The following SH3GL2 variants were observed in gnomAD, a reference collection of about 807,000 sequenced individuals.
The protein encoded by SH3GL2 is SH3 domain containing GRB2 like 2, endophilin A1.
A neutral mutation model predicts 46.0 loss-of-function variants in SH3GL2; 24 were observed. The ratio of observed to expected loss-of-function variants is 0.52; its 90% CI spans 0.38 to 0.73. The LOEUF is 0.73. SH3GL2 is among the 30% of genes least tolerant of loss of function. The pLI is 0.00. For synonymous variants in SH3GL2, 196 were observed against 147.1 expected (o/e 1.33, Z -2.40); for missense variants, 413 against 424.2 (o/e 0.97, Z 0.23).
At chr9:17,703,039 A>G (rs1186939248) in intron 1 of SH3GL2, among the ~76,000 whole-genome samples, 3 of 152,072 alleles carry the variant, frequency 2.0e-5, no homozygotes, top group Non-Finnish European at 4.4e-5. Context: ...ATGGCCCAGC[A>G]GTCTCTAATA....
rs112647120 is a variant in SH3GL2 at position 17,697,042 on chromosome 9, G to T, written c.46-50024G>T. On this transcript the variant is annotated intron_variant, in intron 1 of 8. Transcript: ENST00000380607. ...GTGTTGGAACCTTGATACTGTCCTG[G>T]GCTGACATTTCCTCTTTAAGAATCA... is the stretch of plus-strand genomic sequence containing the variant. 1.7e-3 allele frequency among the ~76,000 whole-genome samples: 237 copies of T among 142,756 alleles called. 3 individuals carry two copies. The highest frequency in any genetic ancestry group is 5.0e-3 in the African/African-American group (201 of 40,582). 93.7% of individuals were successfully genotyped at this position (142,756 alleles called of 152,430 possible). A position where few individuals can be genotyped will look rare whatever the true frequency, so the allele number is the denominator to read the frequency against.
intron 1 of SH3GL2, among the ~76,000 whole-genome samples, chr9:17,706,921 C>T (rs576214330): frequency 6.6e-6 from 1 of 152,134 alleles, no homozygotes; most frequent in South Asian, 2.1e-4. Context: ...AAAGGCAATT[C>T]AAGCAGTGTG....
At chr9:17,773,334 T>A (rs1409679680) in intron 3 of SH3GL2, among the ~76,000 whole-genome samples, 1 of 152,096 alleles carries the variant, frequency 6.6e-6, no homozygotes, top group Non-Finnish European at 1.5e-5. Flanking sequence ...ATTGTGTAAT[T>A]TTTTTTGTTG....
In SH3GL2 at chr9:17,730,536, C is replaced by T. The variant is rs140678673; in HGVS notation, c.46-16530C>T. Among the ~76,000 whole-genome samples the T allele has an allele frequency of 4.5e-3, 681 of 152,094 alleles. 4 individuals are homozygous for T. The highest frequency in any genetic ancestry group is 0.015 in the African/African-American group (633 of 41,492). On this transcript the variant is annotated intron_variant, in intron 1 of 8. Coordinates refer to ENST00000380607, the MANE Select transcript of SH3GL2 (RefSeq NM_003026.5). Reference sequence around the variant, plus strand: ...GAGAGAGGGCATCCTTATCTTGTGCCGGTTTTCAAAGTGAATGCTGCCAGC... The same window carrying T: ...GAGAGAGGGCATCCTTATCTTGTGCTGGTTTTCAAAGTGAATGCTGCCAGC...
chr9:17,735,252 A>C (rs915740244), intron 1 of SH3GL2, among the ~76,000 whole-genome samples: 1 of 152,130 alleles, frequency 6.6e-6, no homozygotes, highest in African/African-American at 2.4e-5. Flanking sequence ...TACTAAGCCT[A>C]AGCAGAATTA....
chr9:17,752,407 T>C (rs1391469977), intron 2 of SH3GL2, among the ~76,000 whole-genome samples: 1 of 152,206 alleles, frequency 6.6e-6, no homozygotes, highest in African/African-American at 2.4e-5. Context: ...GTTTTTCATA[T>C]GCCTTTTTAA....
chr9:17,761,064 A>T (rs763229461), intron 2 of SH3GL2, among the ~76,000 whole-genome samples: 3 of 152,230 alleles, frequency 2.0e-5, no homozygotes, highest in African/African-American at 7.2e-5. Context: ...ATGCTGCATG[A>T]TTCTTTCTTG....
chr9:17,710,352 T>C lies in SH3GL2; in HGVS notation c.46-36714T>C, dbSNP rs140162133. Among the ~76,000 whole-genome samples the C allele has an allele frequency of 3.1e-3, 476 of 152,064 alleles. 2 individuals are homozygous for C. The highest frequency in any genetic ancestry group is 0.011 in the African/African-American group (455 of 41,522). On this transcript the variant is annotated intron_variant, in intron 1 of 8. Coordinates refer to ENST00000380607, the MANE Select transcript of SH3GL2 (RefSeq NM_003026.5). ...CTTTCCTTTATAAATTATCCAGTCT[T>C]GGGTATGTCCTTATAACAGCATGAG...
At chr9:17,603,060 T>C (rs1476427349) in intron 1 of SH3GL2, among the ~76,000 whole-genome samples, 1 of 152,248 alleles carries the variant, frequency 6.6e-6, no homozygotes, top group Non-Finnish European at 1.5e-5. Flanking sequence ...GTGGGACTGA[T>C]TCTGAGGACA....
intron 1 of SH3GL2, among the ~76,000 whole-genome samples, chr9:17,680,135 T>A (rs1460166898): frequency 1.3e-5 from 2 of 152,194 alleles, no homozygotes; most frequent in African/African-American, 2.4e-5. Context: ...AGGATGATGC[T>A]GGCCTCATAA....
Position 17,587,869 on chromosome 9 carries a change from A to G in SH3GL2, c.45+8582A>G, listed in dbSNP as rs1247689013. 5.3e-5 allele frequency among the ~76,000 whole-genome samples: 8 copies of G among 151,948 alleles called. No individual in the cohort carries two copies. The East Asian group carries it at 1.6e-3, about 29-fold the overall frequency. ...CACTGCACTCCAGCCTGAGCAGTAG[A>G]GCAAGTCACTGTCTCAAAAAAACAA... is the stretch of plus-strand genomic sequence containing the variant. On this transcript the variant is annotated intron_variant, in intron 1 of 8. Coordinates refer to ENST00000380607, the MANE Select transcript of SH3GL2 (RefSeq NM_003026.5).
intron 3 of SH3GL2, among the ~76,000 whole-genome samples, chr9:17,783,819 T>C (rs2131182270): frequency 6.6e-6 from 1 of 152,216 alleles, no homozygotes; most frequent in Middle Eastern, 3.4e-3. Context: ...GTTAGGTATG[T>C]TTAGAAGAGA....
At chr9:17,743,622 G>A (rs1431568282) in intron 1 of SH3GL2, among the ~76,000 whole-genome samples, 1 of 132,602 alleles carries the variant, frequency 7.5e-6, no homozygotes, top group East Asian at 2.5e-4. Context: ...TAAAGCCAAT[G>A]GATTGATGAT....
rs185305298 is a variant in SH3GL2, at chr9:17,677,053, G to T, written c.46-70013G>T. On this transcript the variant is annotated intron_variant, in intron 1 of 8. Coordinates refer to ENST00000380607, the MANE Select transcript of SH3GL2 (RefSeq NM_003026.5). ...GCCTGCCCTCATGGGACCATTTGGC[G>T]ATGTCTTCCTCCATCACGCCTGCAG... 7.2e-5 allele frequency among the ~76,000 whole-genome samples: 11 copies of T among 152,226 alleles called. No homozygotes were observed. The East Asian group carries it at 1.4e-3, about 19-fold the overall frequency.
Position 17,612,364 on chromosome 9 carries a change from C to CA in SH3GL2, c.45+33079dup, listed in dbSNP as rs554598476. 3.3e-5 allele frequency among the ~76,000 whole-genome samples: 5 copies of CA among 152,284 alleles called. No homozygotes were observed. The East Asian group carries it at 9.7e-4, about 29-fold the overall frequency. ...ACACTCTTTTTGTGTGGGACTGACA[C>CA]AACCCTCTTAACCTTACCACATCTG... is the stretch of plus-strand genomic sequence containing the variant. On this transcript the variant is annotated intron_variant, in intron 1 of 8. Transcript: ENST00000380607.
At chr9:17,697,165 C>G (rs1259894470) in intron 1 of SH3GL2, among the ~76,000 whole-genome samples, 1 of 151,978 alleles carries the variant, frequency 6.6e-6, no homozygotes, top group East Asian at 1.9e-4. Flanking sequence ...ATATAGTCTG[C>G]TTTCTTCAGA....
chr9:17,746,299 A>G (rs902260425), intron 1 of SH3GL2, among the ~76,000 whole-genome samples: 1 of 152,120 alleles, frequency 6.6e-6, no homozygotes, highest in African/African-American at 2.4e-5. Context: ...GATGGTCTCA[A>G]TCTCCTGACC....
chr9:17,729,042 A>T (rs1334500580), intron 1 of SH3GL2, among the ~76,000 whole-genome samples: 2 of 152,040 alleles, frequency 1.3e-5, no homozygotes, highest in Admixed American at 1.3e-4. Context: ...ATCCTTGGGG[A>T]CTTGTCACAC....
chr9:17,758,588 A>AAAAAAAAC (rs1823075844), intron 2 of SH3GL2, among the ~76,000 whole-genome samples: 1 of 147,752 alleles, frequency 6.8e-6, no homozygotes, highest in South Asian at 2.2e-4. Context: ...AAAAAAAAAA[A>AAAAAAAAC]AAAAAAATTG....
Sources: allele counts gnomAD v4.1 joint callset (sites outside exome capture counted in the v4.1 genomes callset), GRCh38; gene constraint gnomAD v4.1.1; transcripts MANE v1.5; gene names NCBI Gene and HGNC (gene_info 2026-07-23, HGNC 2026-07-21).